The following PPP4R4 variants were observed in gnomAD, a reference collection of about 807,000 sequenced individuals.
The protein encoded by PPP4R4 is protein phosphatase 4 regulatory subunit 4.
In PPP4R4, 70 loss-of-function variants were observed where a neutral mutation model predicts 121.8. That is an observed-to-expected ratio of 0.57 (90% CI 0.47 to 0.70). The LOEUF (loss-of-function observed/expected upper bound fraction) is 0.70, where lower values mean the gene tolerates loss of function less well. PPP4R4 is among the 30% of genes least tolerant of loss of function. PPP4R4 has a pLI of 0.00. For missense variants in PPP4R4, 875 were observed against 1,033.6 expected (o/e 0.85, Z 2.10); for synonymous variants, 348 against 355.7 (o/e 0.98, Z 0.24).
intron 14 of PPP4R4, among the ~76,000 whole-genome samples, chr14:94,247,763 C>T (rs1316319979): frequency 6.6e-6 from 1 of 152,122 alleles, no homozygotes; most frequent in Admixed American, 6.5e-5. Flanking sequence ...TCAACATAAG[C>T]AAATCAATAA....
At chr14:94,216,983 AC>A (rs1891055769) in intron 3 of PPP4R4, among the ~76,000 whole-genome samples, 1 of 152,078 alleles carries the variant, frequency 6.6e-6, no homozygotes, top group Non-Finnish European at 1.5e-5. Flanking sequence ...AAGAAACTTG[AC>A]CCTGGCAAAG....
rs1360072781 is a variant in PPP4R4 at position 94,190,072 on chromosome 14, G to T, written c.191+13945G>T. Among the ~76,000 whole-genome samples the T allele has an allele frequency of 2.7e-5, 4 of 148,884 alleles. No individual in the cohort carries two copies. In the East Asian group the frequency reaches 5.9e-4, roughly 22 times the overall value. On this transcript the variant is annotated intron_variant, in intron 2 of 24. Coordinates refer to ENST00000304338, the MANE Select transcript of PPP4R4 (RefSeq NM_058237.2). ...TCTTTTTTTTTTTTTTTGAGATAGG[G>T]TCTTGCTATATTGCCCAGCTGGTCT...
At chr14:94,213,249 T>G (rs1410703399) in intron 3 of PPP4R4, among the ~76,000 whole-genome samples, 1 of 152,182 alleles carries the variant, frequency 6.6e-6, no homozygotes, top group African/African-American at 2.4e-5. Context: ...TGATCATGAC[T>G]GTAACAGATA....
intron 14 of PPP4R4, among the ~76,000 whole-genome samples, chr14:94,249,146 A>G (rs1272898631): frequency 6.6e-6 from 1 of 152,060 alleles, no homozygotes; most frequent in East Asian, 1.9e-4. Flanking sequence ...TTGAAATTCT[A>G]TCAGTATATA....
chr14:94,176,271 A>C, intron 2 of PPP4R4, 144 bp downstream of exon 2: 1 of 603,788 alleles, frequency 1.7e-6, no homozygotes. Flanking sequence ...GTACTTAACT[A>C]TATTATAAAT....
chr14:94,264,750 T>G (rs1893949581), intron 19 of PPP4R4, 128 bp from the exon 20 acceptor site: 1 of 718,726 alleles, frequency 1.4e-6, no homozygotes, highest in African/African-American at 1.8e-5. Flanking sequence ...ACACTAACAT[T>G]GGAAAAAAAT....
chr14:94,176,259 T>G, intron 2 of PPP4R4, 132 bp downstream of exon 2: 6 of 711,544 alleles, frequency 8.4e-6, no homozygotes, highest in Non-Finnish European at 1.5e-5. Context: ...TTTGTGTGCA[T>G]AGTACTTAAC....
chr14:94,227,398 T>A (rs181109701), intron 3 of PPP4R4: 2 of 1,599,636 alleles, frequency 1.3e-6, no homozygotes, highest in East Asian at 2.2e-5. Flanking sequence ...GAACTCTTAT[T>A]GTATTATGTT....
intron 3 of PPP4R4, among the ~76,000 whole-genome samples, chr14:94,224,481 A>G (rs1343923641): frequency 2.0e-5 from 3 of 152,118 alleles, no homozygotes; most frequent in Non-Finnish European, 4.4e-5. Context: ...GAAATAGACA[A>G]CAAAGCAAAA....
chr14:94,259,985 A>C (rs1246775891), intron 19 of PPP4R4, among the ~76,000 whole-genome samples: 1 of 152,142 alleles, frequency 6.6e-6, no homozygotes, highest in Admixed American at 6.5e-5. Context: ...CTTACTTCTA[A>C]TTTGGGGATA....
intron 9 of PPP4R4, 57 bp downstream of exon 9, chr14:94,240,852 C>T: frequency 7.0e-7 from 1 of 1,421,406 alleles, no homozygotes. Context: ...TTTTTTTCTA[C>T]CTCAGTCATT....
At chr14:94,227,500 T>A in intron 3 of PPP4R4, 1 of 1,369,118 alleles carries the variant, frequency 7.3e-7, no homozygotes, top group South Asian at 1.9e-5. Context: ...CAGTCCCAGA[T>A]GTTGAAGTCA....
intron 5 of PPP4R4, 105 bp from the exon 6 acceptor site, chr14:94,233,548 C>G: frequency 2.9e-6 from 2 of 690,744 alleles, no homozygotes; most frequent in Non-Finnish European, 4.9e-6. Flanking sequence ...AATTCAGGTT[C>G]TTTAAAAACA....
chr14:94,181,175 T>G (rs79627397), intron 2 of PPP4R4, among the ~76,000 whole-genome samples: 4 of 152,272 alleles, frequency 2.6e-5, no homozygotes, highest in Non-Finnish European at 4.4e-5. Context: ...ATTTCTGTTT[T>G]TGATGCTTGC....
intron 3 of PPP4R4, among the ~76,000 whole-genome samples, chr14:94,214,478 G>C (rs1178301416): frequency 1.3e-5 from 2 of 151,032 alleles, no homozygotes; most frequent in Non-Finnish European, 2.9e-5. Context: ...TCCAGCTAGG[G>C]CGGCATAGCA....
At chr14:94,234,506 G>T (rs970782161) in intron 6 of PPP4R4, 56 bp from the exon 7 acceptor site, 2 of 1,038,704 alleles carry the variant, frequency 1.9e-6, no homozygotes, top group African/African-American at 1.6e-5. Context: ...AATTGTTTGG[G>T]AATATTATTC....
At chr14:94,256,705 AT>A in intron 17 of PPP4R4, 101 bp downstream of exon 17, 1 of 1,164,044 alleles carries the variant, frequency 8.6e-7, no homozygotes, top group Non-Finnish European at 1.2e-6. Flanking sequence ...ATATTACAAT[AT>A]TTTTATCCTT....
At chr14:94,230,833 A>G (rs1389538649) in intron 4 of PPP4R4, 99 bp downstream of exon 4, 1 of 1,328,930 alleles carries the variant, frequency 7.5e-7, no homozygotes, top group Non-Finnish European at 1.0e-6. Flanking sequence ...AGGATAACTG[A>G]GTAAGGCCAT....
chr14:94,231,510 C>T (rs1189380643), intron 5 of PPP4R4, among the ~76,000 whole-genome samples, 195 bp downstream of exon 5: 1 of 152,078 alleles, frequency 6.6e-6, no homozygotes, highest in South Asian at 2.1e-4. Context: ...TGTACTTGTC[C>T]ACTTTTAAGG....
Sources: allele counts gnomAD v4.1 joint callset (sites outside exome capture counted in the v4.1 genomes callset), GRCh38; gene constraint gnomAD v4.1.1; transcripts MANE v1.5; gene names NCBI Gene and HGNC (gene_info 2026-07-23, HGNC 2026-07-21).